Variants in ANXA13 observed in about 807,000 individuals in gnomAD.
ANXA13 encodes annexin A13, also known as annexin XIII.
In ANXA13, 36 loss-of-function variants were observed where a neutral mutation model predicts 46.6. The ratio of observed to expected loss-of-function variants is 0.77; its 90% CI spans 0.59 to 1.02. ANXA13 has a LOEUF of 1.02. ANXA13 is among the 50% of genes least tolerant of loss of function. The pLI is 0.00. For missense variants in ANXA13, 417 were observed against 396.5 expected (o/e 1.05, Z -0.44); for synonymous variants, 163 against 152.9 (o/e 1.07, Z -0.49).
chr8:123,723,319 C>T (rs1813921574), intron 1 of ANXA13, among the ~76,000 whole-genome samples: 1 of 152,234 alleles, frequency 6.6e-6, no homozygotes, highest in Admixed American at 6.5e-5. Context: ...AATGTTTCTA[C>T]TTAAGCAAAT....
At chr8:123,714,212 C>G (rs1371000675) in intron 1 of ANXA13, among the ~76,000 whole-genome samples, 1 of 152,212 alleles carries the variant, frequency 6.6e-6, no homozygotes, top group African/African-American at 2.4e-5. Flanking sequence ...GGCTGTCAGT[C>G]ATGAGGCTTG....
intron 6 of ANXA13, 64 bp downstream of exon 6, chr8:123,695,438 G>C (rs888215269): frequency 1.6e-6 from 2 of 1,218,140 alleles, no homozygotes; most frequent in Admixed American, 1.9e-5. Flanking sequence ...TTTTCATCAT[G>C]GTGCCATGTT....
At chr8:123,727,633 C>T (rs1258818296) in intron 1 of ANXA13, 2 of 142,906 alleles carry the variant, frequency 1.4e-5, no homozygotes, top group African/African-American at 5.3e-5. Context: ...AACAGACAGC[C>T]CCCCTCCCCC....
At chr8:123,727,478 C>A (rs1216757876) in intron 1 of ANXA13, among the ~76,000 whole-genome samples, 1 of 152,014 alleles carries the variant, frequency 6.6e-6, no homozygotes, top group African/African-American at 2.4e-5. Context: ...CGGTGGTTCT[C>A]AATAAACCAG....
chr8:123,720,017 A>G (rs1362056144), intron 1 of ANXA13, among the ~76,000 whole-genome samples: 1 of 152,232 alleles, frequency 6.6e-6, no homozygotes, highest in Non-Finnish European at 1.5e-5. Context: ...CATAGGATGT[A>G]AGGGTCATTT....
At chr8:123,711,337 A>T (rs1296583452) in intron 2 of ANXA13, among the ~76,000 whole-genome samples, 1 of 152,192 alleles carries the variant, frequency 6.6e-6, no homozygotes, top group Non-Finnish European at 1.5e-5. Flanking sequence ...TTCAAGGGAA[A>T]TCCTTCCATC....
intron 9 of ANXA13, among the ~76,000 whole-genome samples, chr8:123,687,234 C>G (rs776435843): frequency 1.3e-5 from 2 of 152,146 alleles, no homozygotes; most frequent in Non-Finnish European, 2.9e-5. Context: ...CTGGTGTTTT[C>G]CCGATTCTCA....
intron 1 of ANXA13, among the ~76,000 whole-genome samples, chr8:123,725,787 A>G (rs535555877): frequency 3.2e-4 from 48 of 152,326 alleles, no homozygotes; most frequent in African/African-American, 1.0e-3. Context: ...CCAGGATCTC[A>G]CACCGACTAA....
intron 3 of ANXA13, among the ~76,000 whole-genome samples, chr8:123,701,512 A>T (rs895910295): frequency 1.7e-4 from 26 of 152,282 alleles, no homozygotes; most frequent in Non-Finnish European, 2.8e-4. Context: ...CCACACACAC[A>T]TTCAGCTTCA....
rs528315381 is a variant in ANXA13 at position 123,735,713 on chromosome 8, A to AG, written c.15+1606dup. 3.9e-4 allele frequency: 607 copies of AG among 1,575,514 alleles called. 5 individuals carry two copies. In the East Asian group the frequency reaches 0.013, roughly 33 times the overall value. ...GCTCATATTGGCCCCATGACAGAGC[A>AG]GGGGTCATACCTATGATTTGGGGGG... On this transcript the variant is annotated intron_variant, in intron 1 of 10. Coordinates refer to ENST00000419625, the MANE Select transcript of ANXA13 (RefSeq NM_004306.4).
At chr8:123,719,866 G>T in intron 1 of ANXA13, among the ~76,000 whole-genome samples, 1 of 152,186 alleles carries the variant, frequency 6.6e-6, no homozygotes, top group Non-Finnish European at 1.5e-5. Context: ...AGCCTTAGTT[G>T]TCTCATCTTT....
rs151157521 is a variant in ANXA13 at position 123,708,702 on chromosome 8, A to G, written c.91+3976T>C. 2.6e-3 allele frequency among the ~76,000 whole-genome samples: 393 copies of G among 152,318 alleles called. 3 individuals are homozygous for G. Among genetic ancestry groups the G allele is most frequent in the African/African-American group, 9.0e-3 (373 of 41,570 alleles). ...CAATGACCACAAACTTGATAGCTTA[A>G]AACAACAGCAGTCTATTCCTGCACA... On this transcript the variant is annotated intron_variant, in intron 2 of 10. Transcript: ENST00000419625.
At chr8:123,696,571 C>T (rs1371148498) in intron 4 of ANXA13, among the ~76,000 whole-genome samples, 1 of 152,164 alleles carries the variant, frequency 6.6e-6, no homozygotes, top group African/African-American at 2.4e-5. Flanking sequence ...CCCCCCACCA[C>T]CAAGCTGGTT....
chr8:123,724,306 T>C (rs963106400), intron 1 of ANXA13, among the ~76,000 whole-genome samples: 14 of 152,204 alleles, frequency 9.2e-5, no homozygotes, highest in Admixed American at 3.3e-4. Flanking sequence ...CTGAGGAAAG[T>C]GACCTTGCCA....
intron 10 of ANXA13, among the ~76,000 whole-genome samples, chr8:123,683,068 G>A (rs935237245): frequency 3.3e-5 from 5 of 152,062 alleles, no homozygotes; most frequent in Non-Finnish European, 5.9e-5. Context: ...GCTGGAGGTC[G>A]AGTTGCTAAC....
chr8:123,692,703 A>G (rs182657472), intron 8 of ANXA13, among the ~76,000 whole-genome samples: 1 of 152,296 alleles, frequency 6.6e-6, no homozygotes, highest in East Asian at 1.9e-4. Context: ...CTGAGTCTTT[A>G]TCTTATTTAA....
intron 9 of ANXA13, among the ~76,000 whole-genome samples, chr8:123,686,320 A>G (rs539146251): frequency 6.6e-6 from 1 of 152,152 alleles, no homozygotes; most frequent in East Asian, 1.9e-4. Context: ...TAATAACATA[A>G]AAATTAGCCA....
At chr8:123,703,307 A>C (rs1813479949) in intron 2 of ANXA13, among the ~76,000 whole-genome samples, 1 of 151,752 alleles carries the variant, frequency 6.6e-6, no homozygotes, top group South Asian at 2.1e-4. Flanking sequence ...GAACAGGAGA[A>C]TATACAGAGG....
intron 2 of ANXA13, among the ~76,000 whole-genome samples, chr8:123,706,378 C>T (rs1813540462): frequency 6.6e-6 from 1 of 152,238 alleles, no homozygotes; most frequent in Admixed American, 6.5e-5. Flanking sequence ...GCCTCTCAGG[C>T]CTGGATCCTG....
Sources: allele counts gnomAD v4.1 joint callset (sites outside exome capture counted in the v4.1 genomes callset), GRCh38; gene constraint gnomAD v4.1.1; transcripts MANE v1.5; gene names NCBI Gene and HGNC (gene_info 2026-07-23, HGNC 2026-07-21).